PCDHGA10: variants seen among roughly 807,000 people sequenced by gnomAD.
PCDHGA10 encodes the protein protocadherin gamma-A10.
Under a neutral mutation model 59.5 loss-of-function variants are expected in PCDHGA10, and 42 were observed. The observed-to-expected ratio is 0.71, with a 90% CI of 0.55 to 0.91. PCDHGA10 has a LOEUF of 0.91. Among genes scored for constraint, PCDHGA10 ranks in the 40% least tolerant of loss-of-function variants. The pLI, the probability that PCDHGA10 is intolerant of heterozygous loss-of-function variation, is 0.00. For synonymous variants in PCDHGA10, 511 were observed against 517.2 expected (o/e 0.99, Z 0.16); for missense variants, 1,111 against 1,198.2 (o/e 0.93, Z 1.07).
At chr5:141,465,905 G>C (rs938438286) in intron 1 of PCDHGA10, among the ~76,000 whole-genome samples, 8 of 151,958 alleles carry the variant, frequency 5.3e-5, no homozygotes, top group Non-Finnish European at 8.8e-5. Context: ...GGCAAATCAC[G>C]AGGTCAGGAT....
Position 141,476,267 on chromosome 5 carries a change from G to A in PCDHGA10, c.2437-18540G>A, listed in dbSNP as rs373758158. The A allele has an allele frequency of 6.8e-6, 11 of 1,613,938 alleles. No homozygotes were observed. Among genetic ancestry groups the A allele is most frequent in the African/African-American group, 1.3e-5 (1 of 74,884 alleles). On this transcript the variant is annotated intron_variant, in intron 1 of 3. Transcript: ENST00000398610. The surrounding 1 kb of genome is among the most constrained non-coding windows in gnomAD (Gnocchi z 7.6). ...GAAGGGTTTCGCTGTGGGCAACGTG[G>A]TCGCGAACCTTGGTTTGGATCTCGG...
At chr5:141,480,625 G>A (rs1041569361) in intron 1 of PCDHGA10, among the ~76,000 whole-genome samples, 2 of 152,070 alleles carry the variant, frequency 1.3e-5, no homozygotes, top group Non-Finnish European at 2.9e-5. Flanking sequence ...ATTTTCCCTA[G>A]AACAATGTTT....
intron 1 of PCDHGA10, chr5:141,424,475 T>C (rs1399874639): frequency 2.6e-5 from 4 of 152,234 alleles, no homozygotes; most frequent in Admixed American, 2.0e-4. Context: ...ATTCTTTTAC[T>C]TTGGTGTCTG....
chr5:141,420,187 C>G (rs1369031488), intron 1 of PCDHGA10: 1 of 1,613,706 alleles, frequency 6.2e-7, no homozygotes, highest in East Asian at 2.2e-5. Context: ...ATTGTCCAGC[C>G]ACACAAGATA....
At position 141,485,342 on chromosome 5, in the gene PCDHGA10, G is replaced by A; in HGVS notation, c.2437-9465G>A. On this transcript the variant is annotated intron_variant, in intron 1 of 3. Coordinates refer to ENST00000398610, the MANE Select transcript of PCDHGA10 (RefSeq NM_018913.3). The surrounding 1 kb of genome is among the most constrained non-coding windows in gnomAD (Gnocchi z 5.7). ...CGCTCAAGATTTCCTGCTGGATACG[G>A]ACAGTCTGTCAGCTCGCAGGCTGCA... 1 of 1,614,164 alleles carries A rather than the reference G, an allele frequency of 6.2e-7. No homozygotes were observed. The highest frequency in any genetic ancestry group is 8.5e-7 in the Non-Finnish European group (1 of 1,180,026).
At chr5:141,447,182 C>G (rs1205769161) in intron 1 of PCDHGA10, among the ~76,000 whole-genome samples, 1 of 152,126 alleles carries the variant, frequency 6.6e-6, no homozygotes, top group Non-Finnish European at 1.5e-5. Flanking sequence ...TCTTGTCGCG[C>G]AGGCTGGAGT....
Position 141,476,949 on chromosome 5 carries a change from A to G in PCDHGA10, c.2437-17858A>G. The stretch of plus-strand genomic sequence containing the variant: ...GATCTGGATGAAGGCCCCAACGGTG[A>G]AATTATTTACTCCTTCGGCAGCCAC... On this transcript the variant is annotated intron_variant, in intron 1 of 3. Transcript: ENST00000398610. The surrounding 1 kb of genome is among the most constrained non-coding windows in gnomAD (Gnocchi z 7.6). 6.2e-7 allele frequency: 1 copy of G among 1,614,200 alleles called. No individual in the cohort carries two copies. Among genetic ancestry groups the G allele is most frequent in the Admixed American group, 1.7e-5 (1 of 60,038 alleles).
Position 141,490,226 on chromosome 5 carries a change from C to T in PCDHGA10, c.2437-4581C>T. On this transcript the variant is annotated intron_variant, in intron 1 of 3. Coordinates refer to ENST00000398610, the MANE Select transcript of PCDHGA10 (RefSeq NM_018913.3). This position sits in a 1 kb window ranked among gnomAD's most constrained non-coding sequence, Gnocchi z 5.4. ...AGAGCCCGTGACCAGGGACAGCCTG[C>T]CATGGAGGGCCACTGTGTGATTCAA... The T allele has an allele frequency of 6.2e-7, 1 of 1,614,168 alleles. No homozygotes were observed. Among genetic ancestry groups the T allele is most frequent in the Non-Finnish European group, 8.5e-7 (1 of 1,180,020 alleles).
rs764389909 is a variant in PCDHGA10, at chr5:141,491,064, ACTGTTG to A, written c.2437-3741_2437-3736del. On this transcript the variant is annotated intron_variant, in intron 1 of 3. Transcript: ENST00000398610. The surrounding 1 kb of genome is among the most constrained non-coding windows in gnomAD (Gnocchi z 6.9). ...GCCACAATGCGTGGCTCTCCTACTCACTGTTGCCACAGTCCACAGCCCCAGGACTGT... is the reference window on the plus strand; with the variant it reads ...GCCACAATGCGTGGCTCTCCTACTCACCACAGTCCACAGCCCCAGGACTGT... 1.2e-6 allele frequency: 2 copies of A among 1,613,962 alleles called. No homozygotes were observed. Among genetic ancestry groups the A allele is most frequent in the Admixed American group, 3.3e-5 (2 of 60,010 alleles).
rs375665864 is a variant in PCDHGA10, at chr5:141,469,524, A to G, written c.2437-25283A>G. Among the ~76,000 whole-genome samples the G allele has an allele frequency of 2.4e-4, 36 of 152,260 alleles. No homozygotes were observed. The East Asian group carries it at 3.1e-3, about 13-fold the overall frequency. On this transcript the variant is annotated intron_variant, in intron 1 of 3. Coordinates refer to ENST00000398610, the MANE Select transcript of PCDHGA10 (RefSeq NM_018913.3). ...CGGGAGGTGGAGGTTGCAGTGAGCCAAGATTGTGCCACTGCACTCCAGCCT... is the reference window on the plus strand; with the variant it reads ...CGGGAGGTGGAGGTTGCAGTGAGCCGAGATTGTGCCACTGCACTCCAGCCT...
rs1386904017 is a variant in PCDHGA10 at position 141,476,642 on chromosome 5, CG to C, written c.2437-18164del. On this transcript the variant is annotated intron_variant, in intron 1 of 3. Coordinates refer to ENST00000398610, the MANE Select transcript of PCDHGA10 (RefSeq NM_018913.3). The surrounding 1 kb of genome is among the most constrained non-coding windows in gnomAD (Gnocchi z 7.6). ...CTCTTTACAAACCTATGAGCTGAGC[CG>C]AAATGAATACTTTGCGCTTCGCGTG... The C allele has an allele frequency of 2.5e-6, 4 of 1,614,240 alleles. No homozygotes were observed.
At chr5:141,450,067 T>C (rs1007808503) in intron 1 of PCDHGA10, among the ~76,000 whole-genome samples, 4 of 147,604 alleles carry the variant, frequency 2.7e-5, no homozygotes, top group African/African-American at 1.0e-4. Context: ...AATGCAGTGG[T>C]ATGATCTTGG....
Position 141,489,772 on chromosome 5 carries a change from T to C in PCDHGA10, c.2437-5035T>C, listed in dbSNP as rs1327700197. 6.2e-7 allele frequency: 1 copy of C among 1,614,154 alleles called. No individual in the cohort carries two copies. The highest frequency in any genetic ancestry group is 8.5e-7 in the Non-Finnish European group (1 of 1,179,994). ...TTACACTCTAAGCCCCAACAGCCAC[T>C]TCTCTCTGAATGTGAAGACCCTAAA... On this transcript the variant is annotated intron_variant, in intron 1 of 3. Coordinates refer to ENST00000398610, the MANE Select transcript of PCDHGA10 (RefSeq NM_018913.3). This position sits in a 1 kb window ranked among gnomAD's most constrained non-coding sequence, Gnocchi z 4.5.
intron 1 of PCDHGA10, chr5:141,428,040 G>A: frequency 6.2e-7 from 1 of 1,608,668 alleles, no homozygotes; most frequent in Non-Finnish European, 8.5e-7. Flanking sequence ...CGGCTACCTG[G>A]TGACCAAGGT....
chr5:141,487,905 G>C lies in PCDHGA10; in HGVS notation c.2437-6902G>C. The C allele has an allele frequency of 1.5e-6, 1 of 686,388 alleles. No individual in the cohort carries two copies. 42.5% of individuals were successfully genotyped at this position (686,388 alleles called of 1,614,324 possible). On this transcript the variant is annotated intron_variant, in intron 1 of 3. Transcript: ENST00000398610. This position sits in a 1 kb window ranked among gnomAD's most constrained non-coding sequence, Gnocchi z 5.0. ...GTGGAAGCATGATGATGGAATGTGG[G>C]AGCACAGGAGGCTACAGTGCACAGG...
intron 1 of PCDHGA10, chr5:141,417,091 A>G (rs1345871347): frequency 6.6e-6 from 1 of 152,194 alleles, no homozygotes; most frequent in Non-Finnish European, 1.5e-5. Flanking sequence ...TTTTGATTAT[A>G]ATTATTTAAA....
intron 1 of PCDHGA10, among the ~76,000 whole-genome samples, chr5:141,458,557 G>A (rs1258900717): frequency 6.9e-6 from 1 of 143,954 alleles, no homozygotes; most frequent in Non-Finnish European, 1.5e-5. Context: ...TGTTTGTTTT[G>A]GTTTTGGGTT....
In PCDHGA10 at chr5:141,413,660, T is replaced by C. The variant is rs747874019; in HGVS notation, c.485T>C (p.Ile162Thr). The C allele has an allele frequency of 3.1e-6, 5 of 1,613,752 alleles. No homozygotes were observed. Among genetic ancestry groups the C allele is most frequent in the Non-Finnish European group, 4.2e-6 (5 of 1,179,892 alleles). ...AGMRFPLPEA[I>T]DPDVGVNSLQ... The stretch of plus-strand genomic sequence containing the variant: ...ATGCGTTTTCCTCTCCCGGAAGCTA[T>C]TGATCCGGATGTGGGCGTGAACTCC... The change falls in exon 1 of 4, where the codon ATT becomes ACT. Residue 162 changes from isoleucine to threonine, a missense_variant. Ile to Thr is a moderately conservative substitution (Grantham distance 89). Transcript: ENST00000398610.
chr5:141,413,329 A>G lies in PCDHGA10; in HGVS notation c.154A>G (p.Ile52Val), dbSNP rs762420040. 1 of 1,613,966 alleles carries G rather than the reference A, an allele frequency of 6.2e-7. No homozygotes were observed. Among genetic ancestry groups the G allele is most frequent in the Non-Finnish European group, 8.5e-7 (1 of 1,179,914 alleles). ...ELEKGSFVGN[I>V]SKDLGLAPRE... is the part of the protein sequence containing the mutation. ...AGAGAAAGGCTCTTTCGTGGGCAAC[A>G]TCTCCAAGGACTTGGGTCTGGCGCC... is the stretch of plus-strand genomic sequence containing the variant. Residue 52 changes from isoleucine to valine, a missense_variant, in exon 1 of 4, where the codon ATC (isoleucine) becomes GTC (valine). Transcript: ENST00000398610.
Sources: allele counts gnomAD v4.1 joint callset (sites outside exome capture counted in the v4.1 genomes callset), GRCh38; gene constraint gnomAD v4.1.1; non-coding constraint Gnocchi (gnomAD v3.1); transcripts MANE v1.5; gene names NCBI Gene and HGNC (gene_info 2026-07-23, HGNC 2026-07-21).